The following HPS5 variants were observed in gnomAD, a reference collection of about 807,000 sequenced individuals.
HPS5 encodes BLOC-2 complex member HPS5.
A neutral mutation model predicts 128.0 loss-of-function variants in HPS5; 83 were observed. That is an observed-to-expected ratio of 0.65 (90% confidence interval 0.54 to 0.78). The LOEUF is 0.78. HPS5 is among the 30% of genes least tolerant of loss of function. HPS5 has a pLI of 0.00. For synonymous variants in HPS5, 475 were observed against 470.2 expected (o/e 1.01, Z -0.13); for missense variants, 1,281 against 1,326.2 (o/e 0.97, Z 0.53).
chr11:18,321,285 ACT>A (rs1288490997), intron 1 of HPS5, among the ~76,000 whole-genome samples: 3 of 151,802 alleles, frequency 2.0e-5, no homozygotes, highest in Admixed American at 2.0e-4. Flanking sequence ...ATTGGACTCG[ACT>A]CTTTTTTTCT....
At chr11:18,304,162 T>A (rs772088070) in intron 8 of HPS5, among the ~76,000 whole-genome samples, 19 of 151,954 alleles carry the variant, frequency 1.3e-4, no homozygotes, top group Non-Finnish European at 2.6e-4. Flanking sequence ...CTTTCTCTAG[T>A]AACTTTCATG....
At chr11:18,316,300 G>GA (rs960995593) in intron 2 of HPS5, among the ~76,000 whole-genome samples, 27 of 144,270 alleles carry the variant, frequency 1.9e-4, no homozygotes, top group Middle Eastern at 3.5e-3. Context: ...TTCAAAAGAA[G>GA]AAAAAAAAAA....
At chr11:18,288,648 T>G (rs1487853382) in intron 16 of HPS5, among the ~76,000 whole-genome samples, 1 of 152,174 alleles carries the variant, frequency 6.6e-6, no homozygotes, top group African/African-American at 2.4e-5. Context: ...CCAAGTAGTT[T>G]TCTTTTTTAG....
intron 5 of HPS5, among the ~76,000 whole-genome samples, chr11:18,310,324 T>G (rs760228940): frequency 3.3e-5 from 5 of 152,326 alleles, no homozygotes; most frequent in Non-Finnish European, 7.3e-5. Flanking sequence ...AAAATATTCC[T>G]AGACCTATGA....
At position 18,311,959 on chromosome 11, in the gene HPS5, G is replaced by A; in HGVS notation, c.174C>T (p.Leu58=). Residue 58 remains leucine, a synonymous_variant, in exon 3 of 23, where the codon CTC becomes CTT. Coordinates refer to ENST00000349215, the MANE Select transcript of HPS5 (RefSeq NM_181507.2). ...ALGSSGGGLH[L]IQKEGWKHRL... ...TGTGCTTCCAGCCTTCTTTCTGAATGAGATGGAGTCCTCCTCCTGAACTGC... is the reference window on the plus strand; with the variant it reads ...TGTGCTTCCAGCCTTCTTTCTGAATAAGATGGAGTCCTCCTCCTGAACTGC... 6.2e-7 allele frequency: 1 copy of A among 1,614,048 alleles called. No homozygotes were observed.
intron 8 of HPS5, among the ~76,000 whole-genome samples, chr11:18,304,533 C>T (rs1182881410): frequency 4.6e-5 from 7 of 152,184 alleles, no homozygotes. Flanking sequence ...CTTTTAAATA[C>T]TTCAGTGTAG....
chr11:18,319,255 CCACA>C (rs10531816), intron 1 of HPS5, among the ~76,000 whole-genome samples: 3,596 of 138,790 alleles, frequency 0.026, 71 homozygotes, highest in East Asian at 0.15. Flanking sequence ...AAGACAAATA[CCACA>C]CACACACACA....
rs780171270 is a variant in HPS5 at position 18,317,845 on chromosome 11, G to A, written c.14C>T (p.Pro5Leu). The part of the protein sequence containing the change: MAFV[P>L]VIPESYSHVL... The stretch of plus-strand genomic sequence containing the variant: ...ATGGCTGTAGGACTCTGGTATCACT[G>A]GCACAAAAGCCATTTAGCCAGAAAG... The change falls in exon 2 of 23, where the codon CCA (proline) becomes CTA (leucine). Residue 5 changes from proline to leucine, a missense_variant. By Grantham distance (98) the Pro-to-Leu change is moderately conservative. Transcript: ENST00000349215. 8 of 1,613,356 alleles carry A rather than the reference G, an allele frequency of 5.0e-6. No homozygotes were observed. The South Asian group carries it at 8.8e-5, about 18-fold the overall frequency.
rs78660234 is a variant in HPS5, at chr11:18,289,533, A to G, written c.2441-1520T>C. On this transcript the variant is annotated intron_variant, in intron 16 of 22. Transcript: ENST00000349215. ...CACATTTGAACTTACCTGAGGAGAA[A>G]TAGCTTGTTTCTTATTTCACACAAA... is the stretch of plus-strand genomic sequence containing the variant. Among the ~76,000 whole-genome samples the G allele has an allele frequency of 2.8e-3, 424 of 152,282 alleles. 4 individuals carry two copies. Among genetic ancestry groups the G allele is most frequent in the African/African-American group, 9.5e-3 (394 of 41,564 alleles).
At chr11:18,307,729 TAA>T (rs1259822971) in intron 6 of HPS5, among the ~76,000 whole-genome samples, 2 of 144,516 alleles carry the variant, frequency 1.4e-5, no homozygotes, top group Non-Finnish European at 1.5e-5. Flanking sequence ...GTCTCAGCTT[TAA>T]AAAAAAAAAC....
Position 18,298,868 on chromosome 11 carries a change from C to A in HPS5, c.1088G>T (p.Arg363Leu). ...SLISVERCVE[R>L]LLRRGLWNLA... ...GTTCCATAGGCCTCTTCTTAGCAGG[C>A]GTTCCACACAGCGCTCCACAGATAT... The change falls in exon 10 of 23, where the codon CGC becomes CTC. Residue 363 changes from arginine to leucine, a missense_variant. Physicochemically the swap from Arg to Leu is moderately radical, Grantham distance 102. Transcript: ENST00000349215. 1 of 1,614,144 alleles carries A rather than the reference C, an allele frequency of 6.2e-7. No individual in the cohort carries two copies. The highest frequency in any genetic ancestry group is 8.5e-7 in the Non-Finnish European group (1 of 1,180,006).
chr11:18,309,560 G>A (rs1402420793), intron 5 of HPS5, among the ~76,000 whole-genome samples: 1 of 152,052 alleles, frequency 6.6e-6, no homozygotes, highest in Non-Finnish European at 1.5e-5. Context: ...CCTGTAGATA[G>A]CACTTCTCCC....
chr11:18,291,717 T>A lies in HPS5; in HGVS notation c.2165A>T (p.Gln722Leu). The change falls in exon 16 of 23, where the codon CAA (glutamine) becomes CTA (leucine). Residue 722 changes from glutamine (Q) to leucine (L), a missense_variant. Physicochemically the swap from Gln to Leu is moderately radical, Grantham distance 113. Transcript: ENST00000349215. ...SPRESLDDLF[Q>L]ICSPCAIASG... The stretch of plus-strand genomic sequence containing the variant: ...TGCAATGGCGCATGGAGAACATATT[T>A]GAAACAGGTCATCCAAAGACTCCCT... The A allele has an allele frequency of 6.2e-7, 1 of 1,614,262 alleles. No homozygotes were observed. The highest frequency in any genetic ancestry group is 8.5e-7 in the Non-Finnish European group (1 of 1,180,042).
chr11:18,298,912 T>C lies in HPS5; in HGVS notation c.1044A>G (p.Lys348=), dbSNP rs765744902. The change falls in exon 10 of 23, where the codon AAA becomes AAG. Residue 348 remains lysine, a synonymous_variant. Transcript: ENST00000349215. ...NELFCLHLNG[K]VSHLSLISVE... is the part of the protein sequence containing the mutation. ...CAGATATCAGGGAGAGATGTGAGAC[T>C]TTCCCATTTAGGTGCAAACAGAACA... is the stretch of plus-strand genomic sequence containing the variant. 3 of 1,614,214 alleles carry C rather than the reference T, an allele frequency of 1.9e-6. No homozygotes were observed. The highest frequency in any genetic ancestry group is 2.2e-5 in the South Asian group (2 of 91,082).
intron 16 of HPS5, among the ~76,000 whole-genome samples, chr11:18,289,342 A>T (rs1389625854): frequency 6.6e-6 from 1 of 152,226 alleles, no homozygotes; most frequent in East Asian, 1.9e-4. Flanking sequence ...CCTAAATTCA[A>T]GTAAGCAGCC....
chr11:18,283,847 G>T lies in HPS5; in HGVS notation c.3006C>A (p.Ala1002=). ...LCLELERRRE[A]FTNIVYLNDM... The stretch of plus-strand genomic sequence containing the variant: ...CATTCAGATACACAATATTGGTGAA[G>T]GCCTCTCTTCTTCTCTCCAGCTCCA... Residue 1002 remains alanine (A), a synonymous_variant, in exon 21 of 23, where the codon GCC becomes GCA. Coordinates refer to ENST00000349215, the MANE Select transcript of HPS5 (RefSeq NM_181507.2). The T allele has an allele frequency of 6.2e-7, 1 of 1,613,300 alleles. No individual in the cohort carries two copies. The highest frequency in any genetic ancestry group is 8.5e-7 in the Non-Finnish European group (1 of 1,179,584).
Position 18,285,459 on chromosome 11 carries a change from C to A in HPS5, c.2838G>T (p.Arg946Ser), listed in dbSNP as rs1171236720. 1 of 1,589,048 alleles carries A rather than the reference C, an allele frequency of 6.3e-7. No individual in the cohort carries two copies. The highest frequency in any genetic ancestry group is 1.7e-5 in the Admixed American group (1 of 59,936). Residue 946 changes from arginine to serine, a missense_variant and splice_region_variant, in exon 20 of 23, where the codon AGG (arginine) becomes AGT (serine). Arg to Ser is a moderately radical substitution (Grantham distance 110). Coordinates refer to ENST00000349215, the MANE Select transcript of HPS5 (RefSeq NM_181507.2). ...CCCAGGAAAGCAAGTGTGAATGAGG[C>A]CTATGAAATGAAAAGGAATCAGTAA... Reference protein sequence around the residue: ...TSTMDDEGYPRPHSHLLSWGY... With the variant: ...TSTMDDEGYPSPHSHLLSWGY...
intron 2 of HPS5, among the ~76,000 whole-genome samples, chr11:18,313,258 T>A (rs892226709): frequency 6.6e-6 from 1 of 152,140 alleles, no homozygotes; most frequent in African/African-American, 2.4e-5. Flanking sequence ...CTGAGCTATG[T>A]GAAGTATGCA....
chr11:18,287,648 G>C lies in HPS5; in HGVS notation c.2604C>G (p.Ile868Met). The C allele has an allele frequency of 6.2e-7, 1 of 1,614,120 alleles. No homozygotes were observed. Residue 868 changes from isoleucine to methionine, a missense_variant, in exon 18 of 23, where the codon ATC becomes ATG. Coordinates refer to ENST00000349215, the MANE Select transcript of HPS5 (RefSeq NM_181507.2). ...ATGGCAAAATGGATGGAAAGAACTTGATTAAGGATCGAAGAGCAGACTCCC... is the reference window on the plus strand; with the variant it reads ...ATGGCAAAATGGATGGAAAGAACTTCATTAAGGATCGAAGAGCAGACTCCC... ...KFGESALRSL[I>M]KFFPSILPSD...
Sources: gnomAD v4.1 joint callset for allele counts (sites outside exome capture counted in the v4.1 genomes callset) on GRCh38, gnomAD v4.1.1 for gene constraint, MANE v1.5 for transcripts, NCBI Gene and HGNC (gene_info 2026-07-23, HGNC 2026-07-21) for gene names.